The following AGBL1 variants were observed in gnomAD, a reference collection of about 807,000 sequenced individuals.
The protein encoded by AGBL1 is cytosolic carboxypeptidase 4.
AGBL1 carries 130 observed loss-of-function variants against 118.9 expected under a neutral mutation model. The observed-to-expected ratio is 1.09, with a 90% confidence interval of 0.95 to 1.26. AGBL1 has a LOEUF of 1.26. Ranked by LOEUF, AGBL1 falls within the 50% of genes most tolerant of loss-of-function variation. AGBL1 has a pLI of 0.00. For missense variants in AGBL1, 1,584 were observed against 1,298.1 expected, an observed-to-expected ratio of 1.22 and a Z score of -3.38; for synonymous variants, 555 against 478.9, an observed-to-expected ratio of 1.16 and a Z score of -2.08.
At chr15:86,093,794 A>G (rs1400695887) in intron 1 of AGBL1, among the ~76,000 whole-genome samples, 5 of 152,174 alleles carry the variant, frequency 3.3e-5, no homozygotes, top group Non-Finnish European at 7.4e-5. Flanking sequence ...AAGGTTGGAC[A>G]TACATTTAAT....
At position 86,930,391 on chromosome 15, in the gene AGBL1, CA is replaced by C. The variant is rs928404721; in HGVS notation, c.3222-57595del. On this transcript the variant is annotated intron_variant, in intron 23 of 24. Coordinates refer to the AGBL1 transcript ENST00000441037. ...GGGGTCAGCGTGAGGCAGGGAGGGACAGGGGCGGGATAGCAGTTGCCAGTGA... is the reference window on the plus strand; with the variant it reads ...GGGGTCAGCGTGAGGCAGGGAGGGACGGGGCGGGATAGCAGTTGCCAGTGA... Among the ~76,000 whole-genome samples the C allele has an allele frequency of 1.4e-4, 22 of 152,164 alleles. 1 individual carries two copies. The highest frequency in any genetic ancestry group is 1.2e-3 in the Admixed American group (18 of 15,274).
At chr15:86,918,355 C>T (rs1364595969), downstream of AGBL1, among the ~76,000 whole-genome samples, 1 of 152,148 alleles carries the variant, frequency 6.6e-6, no homozygotes, top group Non-Finnish European at 1.5e-5. Context: ...ATCCTCTTCC[C>T]ATTCTCCCCA....
chr15:86,777,964 G>T (rs1434759499), intron 22 of AGBL1, among the ~76,000 whole-genome samples: 2 of 152,098 alleles, frequency 1.3e-5, no homozygotes, highest in African/African-American at 4.8e-5. Flanking sequence ...ATCGGGCGAA[G>T]TTCACCCCCA....
At chr15:86,974,577 A>T (rs2081153156) in intron 23 of AGBL1, among the ~76,000 whole-genome samples, 1 of 139,262 alleles carries the variant, frequency 7.2e-6, no homozygotes, top group African/African-American at 2.8e-5. Flanking sequence ...ATATATATTA[A>T]ATATATAAAA....
chr15:86,175,074 A>T lies in AGBL1; in HGVS notation c.488+16048A>T, dbSNP rs535184079. ...TAATTTTTTGGAGTAATTCTAGAAA[A>T]ATTGGTGTTAGTACTTCCTTATAAG... On this transcript the variant is annotated intron_variant, in intron 5 of 22. Transcript: ENST00000614907. Among the ~76,000 whole-genome samples the T allele has an allele frequency of 1.1e-3, 173 of 152,148 alleles. 1 individual carries two copies. The highest frequency in any genetic ancestry group is 4.0e-3 in the African/African-American group (167 of 41,538).
chr15:86,420,579 C>T (rs2081773928), intron 18 of AGBL1, among the ~76,000 whole-genome samples: 3 of 152,274 alleles, frequency 2.0e-5, no homozygotes, highest in Non-Finnish European at 2.9e-5. Context: ...CAACTCCTCA[C>T]CAGCAAGGGA....
rs543717383 is a variant in AGBL1, at chr15:86,363,022, G to A, written c.2375-34344G>A. ...ACATCAGGCTGGTTGCAGGATGGTG[G>A]CCAAGTGAGGCTGGAGCTGAGTCTA... is the stretch of plus-strand genomic sequence containing the variant. On this transcript the variant is annotated intron_variant, in intron 17 of 22. Coordinates refer to ENST00000614907, the MANE Select transcript of AGBL1 (RefSeq NM_001386094.1). Among the ~76,000 whole-genome samples, 172 of 152,278 alleles carry A rather than the reference G, an allele frequency of 1.1e-3. No homozygotes were observed. The Middle Eastern group carries it at 0.014, about 12-fold the overall frequency.
chr15:86,681,634 A>G (rs1191691916), intron 22 of AGBL1, among the ~76,000 whole-genome samples: 1 of 152,194 alleles, frequency 6.6e-6, no homozygotes, highest in East Asian at 1.9e-4. Flanking sequence ...GAATCATGAG[A>G]GCTCTATCAT....
intron 24 of AGBL1, among the ~76,000 whole-genome samples, chr15:87,002,774 CTGTT>C (rs1321050903): frequency 4.6e-5 from 7 of 152,154 alleles, no homozygotes; most frequent in Non-Finnish European, 8.8e-5. Flanking sequence ...ATTTGGCTCT[CTGTT>C]TGTCTGTTAT....
chr15:86,798,033 C>T (rs1018075934), intron 22 of AGBL1, among the ~76,000 whole-genome samples: 19 of 152,298 alleles, frequency 1.2e-4, no homozygotes, highest in African/African-American at 4.6e-4. Flanking sequence ...GTAAGCAATG[C>T]AGCCAGGAGA....
chr15:86,928,398 C>A (rs76758230), intron 23 of AGBL1, among the ~76,000 whole-genome samples: 235 of 152,256 alleles, frequency 1.5e-3, no homozygotes, highest in African/African-American at 5.3e-3. Flanking sequence ...TTTTCAGGTC[C>A]CGTCTGAGTC....
At chr15:86,424,263 A>G (rs1305012096) in intron 18 of AGBL1, among the ~76,000 whole-genome samples, 1 of 152,130 alleles carries the variant, frequency 6.6e-6, no homozygotes, top group Admixed American at 6.5e-5. Flanking sequence ...TCTTTGACAA[A>G]CCTCACAAAA....
intron 22 of AGBL1, among the ~76,000 whole-genome samples, chr15:86,756,665 C>G (rs752871168): frequency 1.2e-4 from 18 of 151,992 alleles, no homozygotes; most frequent in Non-Finnish European, 2.1e-4. Flanking sequence ...TAACCAGGAC[C>G]CACTGTGTGA....
intron 17 of AGBL1, among the ~76,000 whole-genome samples, chr15:86,367,920 G>T (rs545831333): frequency 6.6e-6 from 1 of 152,246 alleles, no homozygotes; most frequent in Admixed American, 6.5e-5. Context: ...AGGAGACGTG[G>T]TAGCTAGCAT....
At chr15:86,373,814 A>G (rs1313153253) in intron 17 of AGBL1, among the ~76,000 whole-genome samples, 2 of 152,212 alleles carry the variant, frequency 1.3e-5, no homozygotes. Flanking sequence ...CATAATTAAC[A>G]TCTGTAGCCA....
chr15:86,198,664 C>T lies in AGBL1; in HGVS notation c.489-26250C>T, dbSNP rs189309594. On this transcript the variant is annotated intron_variant, in intron 5 of 22. Coordinates refer to ENST00000614907, the MANE Select transcript of AGBL1 (RefSeq NM_001386094.1). ...GGCCTCATGAGAAGAGGAAGATTTT[C>T]TCTCTCTCTCTCTCTCTTTCTGTGT... 6.0e-5 allele frequency among the ~76,000 whole-genome samples: 9 copies of T among 149,602 alleles called. No individual in the cohort carries two copies. In the East Asian group the frequency reaches 1.2e-3, roughly 20 times the overall value.
At position 86,684,298 on chromosome 15, in the gene AGBL1, C is replaced by A. The variant is rs2086013942; in HGVS notation, c.3158+9862C>A. On this transcript the variant is annotated intron_variant, in intron 22 of 22. Coordinates refer to ENST00000614907, the MANE Select transcript of AGBL1 (RefSeq NM_001386094.1). ...ACATTTCCACATTTTTACCTGATTT[C>A]TTTATCTTTGCCAATTGCCAAGTTG... Among the ~76,000 whole-genome samples the A allele has an allele frequency of 1.3e-5, 2 of 152,024 alleles. 1 individual carries two copies. The highest frequency in any genetic ancestry group is 4.2e-4 in the South Asian group (2 of 4,818).
At chr15:86,452,757 C>T (rs534513821) in intron 18 of AGBL1, among the ~76,000 whole-genome samples, 13 of 152,146 alleles carry the variant, frequency 8.5e-5, no homozygotes, top group African/African-American at 1.9e-4. Context: ...CATCTCCTCA[C>T]GCTGTCCCTG....
chr15:86,429,562 G>C (rs2081910213), intron 18 of AGBL1, among the ~76,000 whole-genome samples: 1 of 152,180 alleles, frequency 6.6e-6, no homozygotes. Context: ...TTGCACAAAT[G>C]CCTCCTGGGA....
Sources: gnomAD v4.1 joint callset for allele counts (sites outside exome capture counted in the v4.1 genomes callset) on GRCh38, gnomAD v4.1.1 for gene constraint, MANE v1.5 for transcripts, NCBI Gene and HGNC (gene_info 2026-07-23, HGNC 2026-07-21) for gene names.